CAMTA1: variants seen among roughly 807,000 people sequenced by gnomAD.
The protein encoded by CAMTA1 is calmodulin binding transcription activator 1.
A neutral mutation model predicts 170.9 loss-of-function variants in CAMTA1; 27 were observed. The observed-to-expected ratio is 0.16, with a 90% CI of 0.12 to 0.22. The LOEUF is 0.22. Ranked by LOEUF, CAMTA1 falls within the 10% of genes least tolerant of loss-of-function variation. The pLI is 1.00. For missense variants in CAMTA1, 1,619 were observed against 2,217.2 expected (o/e 0.73, Z 5.42); for synonymous variants, 833 against 891.5 (o/e 0.93, Z 1.17).
At chr1:7,668,565 C>T (rs1240142192) in intron 9 of CAMTA1, among the ~76,000 whole-genome samples, 6 of 152,126 alleles carry the variant, frequency 3.9e-5, no homozygotes, top group Admixed American at 2.6e-4. Context: ...CAAAACCCTC[C>T]TGCGTCATCT....
chr1:7,040,770 C>CAA (rs1171045022), intron 3 of CAMTA1, among the ~76,000 whole-genome samples: 1 of 150,950 alleles, frequency 6.6e-6, no homozygotes, highest in African/African-American at 2.4e-5. Context: ...GCGGTCCAGG[C>CAA]TGGCGTGTGC....
At chr1:6,969,147 T>C in intron 3 of CAMTA1, among the ~76,000 whole-genome samples, 1 of 152,242 alleles carries the variant, frequency 6.6e-6, no homozygotes, top group African/African-American at 2.4e-5. Flanking sequence ...GCATTTTCAG[T>C]GAGGGCTAAA....
At chr1:7,486,541 G>A (rs761341359) in intron 6 of CAMTA1, among the ~76,000 whole-genome samples, 4 of 152,162 alleles carry the variant, frequency 2.6e-5, no homozygotes, top group Admixed American at 2.0e-4. Flanking sequence ...GTCATCTGTC[G>A]CCATGGAGAC....
At chr1:7,371,703 C>T (rs552826935) in intron 5 of CAMTA1, among the ~76,000 whole-genome samples, 16 of 152,360 alleles carry the variant, frequency 1.1e-4, no homozygotes, top group African/African-American at 3.4e-4. Flanking sequence ...CAGCAGCTGC[C>T]TGCAGAAATC....
chr1:7,372,546 G>T (rs1222442046), intron 5 of CAMTA1, among the ~76,000 whole-genome samples: 4 of 152,206 alleles, frequency 2.6e-5, no homozygotes, highest in Admixed American at 2.6e-4. Context: ...CCCGTGATTG[G>T]GCATCTCGCG....
chr1:6,804,398 T>G (rs1239039759), intron 1 of CAMTA1, among the ~76,000 whole-genome samples: 1 of 152,064 alleles, frequency 6.6e-6, no homozygotes, highest in Non-Finnish European at 1.5e-5. Flanking sequence ...ATTGAGTGGG[T>G]TTTCTTTTGT....
intron 4 of CAMTA1, among the ~76,000 whole-genome samples, chr1:7,180,024 A>G (rs564536514): frequency 6.6e-6 from 1 of 152,316 alleles, no homozygotes; most frequent in African/African-American, 2.4e-5. Context: ...AATATATGAA[A>G]TAAATGACAA....
At position 7,682,818 on chromosome 1, in the gene CAMTA1, C is replaced by G. The variant is rs1273392031; in HGVS notation, c.2914+5085C>G. The stretch of plus-strand genomic sequence containing the variant: ...TCCCTCAGATCCACCCAGCCCACCT[C>G]CGAGCAACCCTCAGCTGGCCCATGA... On this transcript the variant is annotated intron_variant, in intron 11 of 22. Coordinates refer to ENST00000303635, the MANE Select transcript of CAMTA1 (RefSeq NM_015215.4). The surrounding 1 kb of genome is among the most constrained non-coding windows in gnomAD (Gnocchi z 5.0). 6.6e-6 allele frequency among the ~76,000 whole-genome samples: 1 copy of G among 152,228 alleles called. No homozygotes were observed. Among genetic ancestry groups the G allele is most frequent in the African/African-American group, 2.4e-5 (1 of 41,458 alleles).
At chr1:6,891,102 A>G (rs1048314147) in intron 3 of CAMTA1, among the ~76,000 whole-genome samples, 1 of 152,210 alleles carries the variant, frequency 6.6e-6, no homozygotes, top group Non-Finnish European at 1.5e-5. Context: ...CTGCTGCTAA[A>G]GACATTTCTC....
rs546292220 is a variant in CAMTA1, at chr1:7,038,553, A to G, written c.235-52751A>G. Among the ~76,000 whole-genome samples the G allele has an allele frequency of 3.3e-5, 5 of 152,348 alleles. No homozygotes were observed. In the East Asian group the frequency reaches 9.6e-4, roughly 29 times the overall value. On this transcript the variant is annotated intron_variant, in intron 3 of 22. Transcript: ENST00000303635. ...GCATTTCATTTTACCTGCCTTATCA[A>G]TATTCACCCTTCTGTTTTCATCCAT...
chr1:7,709,490 G>A (rs1232427015), intron 11 of CAMTA1, among the ~76,000 whole-genome samples: 2 of 152,186 alleles, frequency 1.3e-5, no homozygotes, highest in African/African-American at 2.4e-5. Context: ...TGAGAGGGTC[G>A]AAAATCAATC....
intron 5 of CAMTA1, among the ~76,000 whole-genome samples, chr1:7,384,672 G>A (rs145336041): frequency 6.6e-6 from 1 of 152,152 alleles, no homozygotes; most frequent in East Asian, 1.9e-4. Flanking sequence ...TTAGAATAGA[G>A]ATAGTCAAGT....
intron 11 of CAMTA1, among the ~76,000 whole-genome samples, chr1:7,708,712 C>T (rs1485399237): frequency 6.6e-6 from 1 of 152,170 alleles, no homozygotes; most frequent in Admixed American, 6.5e-5. Flanking sequence ...ATCTTTGAAG[C>T]ACCTACTATA....
At chr1:7,596,053 C>T (rs765014164) in intron 6 of CAMTA1, among the ~76,000 whole-genome samples, 2 of 152,228 alleles carry the variant, frequency 1.3e-5, no homozygotes, top group African/African-American at 4.8e-5. Flanking sequence ...TTCACTGTCC[C>T]CATCCGTCTT....
chr1:7,338,104 A>G (rs1246913064), intron 5 of CAMTA1, among the ~76,000 whole-genome samples: 1 of 147,536 alleles, frequency 6.8e-6, no homozygotes, highest in East Asian at 1.9e-4. Flanking sequence ...TTTGCTGGGG[A>G]ACCCTGACTC....
intron 6 of CAMTA1, among the ~76,000 whole-genome samples, chr1:7,472,417 C>A (rs2093348782): frequency 6.6e-6 from 1 of 152,128 alleles, no homozygotes. Context: ...ACCTCTGGTG[C>A]TGACTCCTGG....
chr1:7,339,206 G>C (rs1289577088), intron 5 of CAMTA1, among the ~76,000 whole-genome samples: 1 of 152,216 alleles, frequency 6.6e-6, no homozygotes, highest in Non-Finnish European at 1.5e-5. Flanking sequence ...AATGTATCAT[G>C]GTGGTGATTG....
chr1:7,510,058 G>A lies in CAMTA1; in HGVS notation c.510+42157G>A, dbSNP rs1182077502. ...CTCCGAGGCCATCCAGGCCCCCTTTGTACAAGCTCCTGACCCAGTGACCCA... is the reference window on the plus strand; with the variant it reads ...CTCCGAGGCCATCCAGGCCCCCTTTATACAAGCTCCTGACCCAGTGACCCA... On this transcript the variant is annotated intron_variant, in intron 6 of 22. Transcript: ENST00000303635. Among the ~76,000 whole-genome samples the A allele has an allele frequency of 1.4e-5, 2 of 142,378 alleles. 1 individual carries two copies. Among genetic ancestry groups the A allele is most frequent in the Non-Finnish European group, 3.1e-5 (2 of 64,062 alleles). 93.4% of individuals were successfully genotyped at this position (142,378 alleles called of 152,430 possible).
intron 6 of CAMTA1, among the ~76,000 whole-genome samples, chr1:7,468,261 T>C (rs1284287930): frequency 6.6e-6 from 1 of 152,180 alleles, no homozygotes; most frequent in Non-Finnish European, 1.5e-5. Context: ...ACATTCATTT[T>C]CTCTCATGGG....
Sources: gnomAD v4.1 joint callset for allele counts (sites outside exome capture counted in the v4.1 genomes callset) on GRCh38, gnomAD v4.1.1 for gene constraint, Gnocchi (gnomAD v3.1) non-coding constraint, MANE v1.5 for transcripts, NCBI Gene and HGNC (gene_info 2026-07-23, HGNC 2026-07-21) for gene names.